The following IQGAP2 variants were observed in gnomAD, a reference collection of about 807,000 sequenced individuals.
IQGAP2 encodes the protein IQ motif containing GTPase activating protein 2, also known as ras GTPase-activating-like protein IQGAP2.
IQGAP2 carries 173 observed loss-of-function variants against 201.3 expected under a neutral mutation model. The ratio of observed to expected loss-of-function variants is 0.86; its 90% confidence interval spans 0.76 to 0.98. IQGAP2 has a LOEUF of 0.98. Ranked by LOEUF, IQGAP2 falls within the 50% of genes least tolerant of loss-of-function variation. The pLI is 0.00. For synonymous variants in IQGAP2, 675 were observed against 673.9 expected (o/e 1.00, Z -0.03); for missense variants, 1,687 against 1,864.8 (o/e 0.90, Z 1.76).
intron 7 of IQGAP2, 25 bp from the exon 8 acceptor site, chr5:76,590,383 T>C (rs2150308029): frequency 2.6e-6 from 4 of 1,549,548 alleles, no homozygotes; most frequent in South Asian, 2.4e-5. Context: ...AAAAACCTTT[T>C]TCTCTCTCTC....
chr5:76,552,756 G>A (rs1341855694), intron 2 of IQGAP2, among the ~76,000 whole-genome samples: 1 of 152,014 alleles, frequency 6.6e-6, no homozygotes, highest in African/African-American at 2.4e-5. Context: ...CTGAGACAAC[G>A]TTCTGTGGAA....
At chr5:76,519,720 A>T (rs757172427) in intron 2 of IQGAP2, among the ~76,000 whole-genome samples, 1 of 152,178 alleles carries the variant, frequency 6.6e-6, no homozygotes, top group Non-Finnish European at 1.5e-5. Context: ...TGTTTTAGCC[A>T]TTCTAACAGA....
chr5:76,677,547 A>G (rs143504406), intron 28 of IQGAP2, 197 bp downstream of exon 28: 47 of 419,676 alleles, frequency 1.1e-4, no homozygotes, highest in African/African-American at 9.4e-4. Context: ...ACAAAATTCT[A>G]TTTTTACATA....
intron 17 of IQGAP2, among the ~76,000 whole-genome samples, chr5:76,649,387 A>T (rs1385686543): frequency 2.0e-5 from 3 of 152,220 alleles, no homozygotes; most frequent in Non-Finnish European, 4.4e-5. Context: ...AACTAAGAGC[A>T]CTTGTTACCA....
Position 76,673,605 on chromosome 5 carries a change from A to G in IQGAP2, c.3209+16A>G, listed in dbSNP as rs756159885. 6.2e-7 allele frequency: 1 copy of G among 1,612,354 alleles called. No individual in the cohort carries two copies. Among genetic ancestry groups the G allele is most frequent in the South Asian group, 1.1e-5 (1 of 90,986 alleles). On this transcript the variant is annotated intron_variant, in intron 25 of 35. Coordinates refer to ENST00000274364, the MANE Select transcript of IQGAP2 (RefSeq NM_006633.5). ...ATCTACTGCCGTAAGTTGTACTTGC[A>G]GCAAGTTTAACATTCTTTCCTGGAA...
Position 76,607,415 on chromosome 5 carries a change from G to A in IQGAP2, c.1357+1112G>A, listed in dbSNP as rs142381954. On this transcript the variant is annotated intron_variant, in intron 12 of 35. Coordinates refer to ENST00000274364, the MANE Select transcript of IQGAP2 (RefSeq NM_006633.5). ...GATCCAGGTGTGCTACCCTATATACGGTACCATGGATGTACCACTGTTACA... is the reference window on the plus strand; with the variant it reads ...GATCCAGGTGTGCTACCCTATATACAGTACCATGGATGTACCACTGTTACA... 1.0e-3 allele frequency: 156 copies of A among 152,052 alleles called. 1 individual carries two copies. Among genetic ancestry groups the A allele is most frequent in the African/African-American group, 3.6e-3 (150 of 41,444 alleles). The allele number at this position is 152,052 out of a possible 1,614,324, so 9.4% of individuals were successfully genotyped here. A position where few individuals can be genotyped will look rare whatever the true frequency, so the allele number is the denominator to read the frequency against.
intron 4 of IQGAP2, among the ~76,000 whole-genome samples, chr5:76,574,395 C>T (rs1318217764): frequency 6.6e-6 from 1 of 152,160 alleles, no homozygotes; most frequent in Non-Finnish European, 1.5e-5. Context: ...CCTCCACTTC[C>T]TGGGTTCAAG....
intron 1 of IQGAP2, among the ~76,000 whole-genome samples, chr5:76,460,859 GCT>G (rs1754405019): frequency 8.6e-6 from 1 of 116,102 alleles, no homozygotes; most frequent in African/African-American, 3.1e-5. Flanking sequence ...TTTGCACACT[GCT>G]TTTTTTTTTT....
intron 17 of IQGAP2, among the ~76,000 whole-genome samples, chr5:76,652,254 G>C (rs1752576231): frequency 1.3e-5 from 2 of 152,198 alleles, no homozygotes; most frequent in South Asian, 4.1e-4. Flanking sequence ...CAGCACCAGT[G>C]TTTTCAGGGA....
chr5:76,695,340 T>C (rs1356770158), intron 31 of IQGAP2, 114 bp from the exon 32 acceptor site: 2 of 819,552 alleles, frequency 2.4e-6, no homozygotes, highest in Non-Finnish European at 4.0e-6. Context: ...TTCTAGTCTC[T>C]GAACTTTGGC....
Position 76,403,680 on chromosome 5 carries a change from C to T in IQGAP2, c.46+89C>T. 3.4e-6 allele frequency: 4 copies of T among 1,176,664 alleles called. No individual in the cohort carries two copies. Among genetic ancestry groups the T allele is most frequent in the Non-Finnish European group, 3.4e-6 (3 of 880,052 alleles). 72.9% of individuals were successfully genotyped at this position (1,176,664 alleles called of 1,614,324 possible). A position where few individuals can be genotyped will look rare whatever the true frequency, so the allele number is the denominator to read the frequency against. On this transcript the variant is annotated intron_variant, in intron 1 of 35. Transcript: ENST00000274364. The surrounding 1 kb of genome is among the most constrained non-coding windows in gnomAD (Gnocchi z 4.8). ...TTGGAGAAGCCGAGGGAGCCGGTTG[C>T]GCGGCGCAGAGGAAATTGGAAGGCA...
At chr5:76,455,255 C>T (rs1049284203) in intron 1 of IQGAP2, among the ~76,000 whole-genome samples, 5 of 151,806 alleles carry the variant, frequency 3.3e-5, no homozygotes, top group Non-Finnish European at 7.4e-5. Context: ...TTGAGACCTG[C>T]CTGGCCAACT....
chr5:76,670,793 A>T (rs1744244104), intron 23 of IQGAP2, among the ~76,000 whole-genome samples: 1 of 152,240 alleles, frequency 6.6e-6, no homozygotes, highest in East Asian at 1.9e-4. Context: ...AAGTGAAAAC[A>T]GTTCATTCAA....
chr5:76,649,708 G>C (rs1181889736), intron 17 of IQGAP2, among the ~76,000 whole-genome samples: 1 of 152,264 alleles, frequency 6.6e-6, no homozygotes, highest in Non-Finnish European at 1.5e-5. Context: ...GTGGCCATCT[G>C]CTCACAGCTC....
chr5:76,480,025 C>T (rs1044922495), intron 2 of IQGAP2, among the ~76,000 whole-genome samples: 9 of 58,310 alleles, frequency 1.5e-4, no homozygotes, highest in Non-Finnish European at 2.8e-4. Context: ...AAGGGAGGAG[C>T]GATATGGTTT....
intron 2 of IQGAP2, among the ~76,000 whole-genome samples, chr5:76,478,590 G>A (rs906483474): frequency 2.2e-4 from 34 of 152,208 alleles, no homozygotes; most frequent in Admixed American, 1.2e-3. Flanking sequence ...GTGGTTGTGC[G>A]CACATGTAAT....
chr5:76,519,645 G>A (rs751581705), intron 2 of IQGAP2, among the ~76,000 whole-genome samples: 1 of 152,106 alleles, frequency 6.6e-6, no homozygotes, highest in Non-Finnish European at 1.5e-5. Context: ...TTTTGCATTC[G>A]TGCCAGCAAT....
chr5:76,616,975 G>A (rs1226851787), intron 13 of IQGAP2: 4 of 152,360 alleles, frequency 2.6e-5, no homozygotes, highest in Non-Finnish European at 4.4e-5. Context: ...AGAGACCAAA[G>A]AATAAAAAAT....
chr5:76,551,378 G>A (rs1743498714), intron 2 of IQGAP2, among the ~76,000 whole-genome samples: 1 of 149,750 alleles, frequency 6.7e-6, no homozygotes, highest in Non-Finnish European at 1.5e-5. Context: ...AGACTGGGCG[G>A]CCGGGCAGAG....
Sources: allele counts gnomAD v4.1 joint callset (sites outside exome capture counted in the v4.1 genomes callset), GRCh38; gene constraint gnomAD v4.1.1; non-coding constraint Gnocchi (gnomAD v3.1); transcripts MANE v1.5; gene names NCBI Gene and HGNC (gene_info 2026-07-23, HGNC 2026-07-21).